Variants in SPIDR observed in about 807,000 individuals in gnomAD.
The protein encoded by SPIDR is scaffold protein involved in DNA repair.
In SPIDR, 93 loss-of-function variants were observed where a neutral mutation model predicts 104.6. The ratio of observed to expected loss-of-function variants is 0.89; its 90% CI spans 0.75 to 1.06. The LOEUF (loss-of-function observed/expected upper bound fraction) is 1.06, where lower values mean the gene tolerates loss of function less well. Among genes scored for constraint, SPIDR ranks in the 50% least tolerant of loss-of-function variants. The pLI is 0.00. For missense variants in SPIDR, 1,154 were observed against 1,111.2 expected (o/e 1.04, Z -0.55); for synonymous variants, 431 against 416.9 (o/e 1.03, Z -0.41).
intron 5 of SPIDR, among the ~76,000 whole-genome samples, chr8:47,370,179 G>T (rs936991726): frequency 6.6e-5 from 10 of 152,106 alleles, no homozygotes; most frequent in African/African-American, 2.4e-4. Flanking sequence ...GGACTCTGGA[G>T]TGTCTTTTCC....
At chr8:47,270,684 T>C (rs2035125705) in intron 1 of SPIDR, among the ~76,000 whole-genome samples, 1 of 152,174 alleles carries the variant, frequency 6.6e-6, no homozygotes, top group African/African-American at 2.4e-5. Flanking sequence ...TTTTCTTCTT[T>C]TTAAATGTAG....
chr8:47,391,056 G>T (rs2060519946), intron 5 of SPIDR, among the ~76,000 whole-genome samples: 2 of 152,154 alleles, frequency 1.3e-5, no homozygotes, highest in African/African-American at 4.8e-5. Context: ...GTTTCTCACA[G>T]TCGGGCTTAG....
chr8:47,559,269 C>T (rs1307257312), intron 8 of SPIDR, among the ~76,000 whole-genome samples: 2 of 152,200 alleles, frequency 1.3e-5, no homozygotes, highest in Non-Finnish European at 2.9e-5. Context: ...GGAATAATAA[C>T]AATTCAGTAC....
chr8:47,307,286 T>A (rs2043252381), intron 5 of SPIDR, among the ~76,000 whole-genome samples: 1 of 151,610 alleles, frequency 6.6e-6, no homozygotes, highest in Admixed American at 6.6e-5. Context: ...AGTGGCATGA[T>A]CTTGGCTCAC....
chr8:47,701,060 C>T (rs2080106115), intron 12 of SPIDR, among the ~76,000 whole-genome samples: 1 of 152,182 alleles, frequency 6.6e-6, no homozygotes, highest in Admixed American at 6.5e-5. Flanking sequence ...GGTCCCAAAA[C>T]AAAACTGGGG....
rs866518489 is a variant in SPIDR at position 47,711,698 on chromosome 8, T to C, written c.1978-964T>C. On this transcript the variant is annotated intron_variant, in intron 14 of 19. Coordinates refer to ENST00000297423, the MANE Select transcript of SPIDR (RefSeq NM_001080394.4). ...TATATTTCTATCTATCTAAAATCAT[T>C]ATTTCATACCAATACTTCCAACTCT... Among the ~76,000 whole-genome samples the C allele has an allele frequency of 8.5e-5, 13 of 152,354 alleles. 1 individual carries two copies. The highest frequency in any genetic ancestry group is 3.4e-3 in the Middle Eastern group (1 of 294).
chr8:47,299,763 C>G (rs987319367), intron 5 of SPIDR, among the ~76,000 whole-genome samples: 29 of 152,030 alleles, frequency 1.9e-4, no homozygotes, highest in African/African-American at 4.6e-4. Context: ...TTATTGATTT[C>G]TGTATGTTGA....
At chr8:47,290,864 T>G (rs2039788461) in intron 3 of SPIDR, among the ~76,000 whole-genome samples, 169 bp from the exon 4 acceptor site, 1 of 152,194 alleles carries the variant, frequency 6.6e-6, no homozygotes, top group East Asian at 1.9e-4. Flanking sequence ...AGAATGTTAG[T>G]GAGATTGTAC....
At chr8:47,678,535 G>C (rs910808062) in intron 11 of SPIDR, among the ~76,000 whole-genome samples, 1 of 152,202 alleles carries the variant, frequency 6.6e-6, no homozygotes, top group Non-Finnish European at 1.5e-5. Context: ...AAGGATAGCT[G>C]GTGATGCAGC....
chr8:47,590,173 C>CAA (rs59910930), intron 8 of SPIDR, among the ~76,000 whole-genome samples: 2 of 100,548 alleles, frequency 2.0e-5, no homozygotes, highest in African/African-American at 3.5e-5. Flanking sequence ...GACTCTGTCT[C>CAA]AAAAAAAAAA....
chr8:47,486,748 C>T (rs1482803177), intron 8 of SPIDR, among the ~76,000 whole-genome samples: 1 of 152,170 alleles, frequency 6.6e-6, no homozygotes, highest in Non-Finnish European at 1.5e-5. Flanking sequence ...TCCAGCCAAA[C>T]TACGCTTCAT....
chr8:47,491,028 T>C (rs186706164), intron 8 of SPIDR, among the ~76,000 whole-genome samples: 28 of 152,224 alleles, frequency 1.8e-4, no homozygotes, highest in Middle Eastern at 6.8e-3. Context: ...AAAAAGACTT[T>C]CTACACGTGT....
At chr8:47,355,271 T>TAAAAAAAAAAAAAA (rs34902790) in intron 5 of SPIDR, among the ~76,000 whole-genome samples, 1 of 116,568 alleles carries the variant, frequency 8.6e-6, no homozygotes, top group African/African-American at 3.3e-5. Context: ...AGGTTTTTTG[T>TAAAAAAAAAAAAAA]AAAAAAAAAA....
At position 47,539,376 on chromosome 8, in the gene SPIDR, G is replaced by A. The variant is rs533707798; in HGVS notation, c.1098-56435G>A. The stretch of plus-strand genomic sequence containing the variant: ...ACGGTGGGTATGCAGTGCCCAGAGC[G>A]AGGCCACCTCCCTTAGCCAGACAAG... On this transcript the variant is annotated intron_variant, in intron 8 of 19. Transcript: ENST00000297423. 4.6e-5 allele frequency among the ~76,000 whole-genome samples: 7 copies of A among 152,224 alleles called. No individual in the cohort carries two copies. The South Asian group carries it at 1.5e-3, about 32-fold the overall frequency.
chr8:47,352,277 A>AC (rs572758003), intron 5 of SPIDR, among the ~76,000 whole-genome samples: 11 of 103,626 alleles, frequency 1.1e-4, no homozygotes, highest in Non-Finnish European at 2.8e-4. Context: ...CTCCATCTCA[A>AC]CAAAAAAAAA....
chr8:47,572,486 AC>A (rs920316136), intron 8 of SPIDR, among the ~76,000 whole-genome samples: 6 of 151,786 alleles, frequency 4.0e-5, no homozygotes, highest in Admixed American at 2.6e-4. Context: ...ATGTGGTGAA[AC>A]CCCATCTCTA....
chr8:47,651,066 A>G (rs1248304467), intron 10 of SPIDR, among the ~76,000 whole-genome samples: 2 of 152,202 alleles, frequency 1.3e-5, no homozygotes, highest in Non-Finnish European at 2.9e-5. Context: ...CTAAGAACCC[A>G]AAAGCAATTA....
At chr8:47,626,446 C>G (rs964657820) in intron 10 of SPIDR, among the ~76,000 whole-genome samples, 6 of 152,186 alleles carry the variant, frequency 3.9e-5, no homozygotes, top group Non-Finnish European at 8.8e-5. Flanking sequence ...TCAGAGTGAA[C>G]AGGCAACCTA....
At chr8:47,380,661 T>TTC (rs2059226583) in intron 5 of SPIDR, among the ~76,000 whole-genome samples, 1 of 152,110 alleles carries the variant, frequency 6.6e-6, no homozygotes, top group Non-Finnish European at 1.5e-5. Flanking sequence ...TTGAGTTAAG[T>TTC]TCTCTCCTTC....
Sources: allele counts gnomAD v4.1 joint callset (sites outside exome capture counted in the v4.1 genomes callset), GRCh38; gene constraint gnomAD v4.1.1; transcripts MANE v1.5; gene names NCBI Gene and HGNC (gene_info 2026-07-23, HGNC 2026-07-21).